MTMR3: variants seen among roughly 807,000 people sequenced by gnomAD.
The protein encoded by MTMR3 is phosphatidylinositol-3,5-bisphosphate 3-phosphatase MTMR3.
Under a neutral mutation model 132.4 loss-of-function variants are expected in MTMR3, and 32 were observed. The ratio of observed to expected loss-of-function variants is 0.24; its 90% CI spans 0.18 to 0.32. The LOEUF (loss-of-function observed/expected upper bound fraction) is 0.32. MTMR3 is among the 10% of genes least tolerant of loss of function. The pLI is 1.00. For synonymous variants in MTMR3, 556 were observed against 550.3 expected (o/e 1.01, Z -0.14); for missense variants, 1,216 against 1,489.6 (o/e 0.82, Z 3.02).
intron 1 of MTMR3, among the ~76,000 whole-genome samples, chr22:29,937,919 C>T (rs927435384): frequency 5.3e-5 from 8 of 152,088 alleles, no homozygotes; most frequent in Non-Finnish European, 1.2e-4. Context: ...AGGAATAATA[C>T]AGGGTGGTCA....
At chr22:29,905,982 G>C (rs1169653981) in intron 1 of MTMR3, among the ~76,000 whole-genome samples, 1 of 152,118 alleles carries the variant, frequency 6.6e-6, no homozygotes, top group Non-Finnish European at 1.5e-5. Context: ...CTGAGCATCT[G>C]AAAGTCTAGA....
At chr22:30,001,643 A>G (rs2067177882) in intron 8 of MTMR3, 1 of 152,232 alleles carries the variant, frequency 6.6e-6, no homozygotes, top group Non-Finnish European at 1.5e-5. Flanking sequence ...CAGGATGTTG[A>G]AAGTTCTTCC....
At chr22:29,972,154 A>G (rs974517275) in intron 3 of MTMR3, among the ~76,000 whole-genome samples, 2 of 152,018 alleles carry the variant, frequency 1.3e-5, no homozygotes, top group Admixed American at 1.3e-4. Flanking sequence ...TTTTCCTGTT[A>G]TTTTCTTGAT....
At chr22:29,943,879 A>G (rs1307402032) in intron 1 of MTMR3, among the ~76,000 whole-genome samples, 2 of 145,870 alleles carry the variant, frequency 1.4e-5, no homozygotes, top group South Asian at 2.2e-4. Flanking sequence ...GCTGGAGTGT[A>G]GTAGCACGAT....
intron 5 of MTMR3, 151 bp from the exon 6 acceptor site, chr22:29,988,329 C>T (rs1022828746): frequency 6.7e-6 from 3 of 447,538 alleles, no homozygotes; most frequent in South Asian, 4.3e-5. Context: ...TGTAGTAAAT[C>T]ACTTGAGTAC....
chr22:29,923,243 A>AT (rs1232913282), intron 1 of MTMR3, among the ~76,000 whole-genome samples: 67 of 138,830 alleles, frequency 4.8e-4, no homozygotes, highest in Non-Finnish European at 6.3e-4. Flanking sequence ...TTTATTTTTT[A>AT]TTTTTTTTTT....
At chr22:29,990,174 CA>C (rs2066933575) in intron 6 of MTMR3, 1 of 152,318 alleles carries the variant, frequency 6.6e-6, no homozygotes, top group Admixed American at 6.5e-5. Flanking sequence ...CAAGAGGTTG[CA>C]GTGAGCTGAG....
At chr22:29,975,237 T>C (rs926054141) in intron 3 of MTMR3, among the ~76,000 whole-genome samples, 16 of 152,228 alleles carry the variant, frequency 1.1e-4, no homozygotes, top group Non-Finnish European at 2.2e-4. Context: ...GTTTATACCA[T>C]ATTAGAAAAT....
At chr22:29,904,532 G>A (rs2051859) in intron 1 of MTMR3, among the ~76,000 whole-genome samples, 5,615 of 152,192 alleles carry the variant, frequency 0.037, 365 homozygotes, top group African/African-American at 0.13. Context: ...GTTTAAAATG[G>A]GGCTAACAAT....
intron 7 of MTMR3, chr22:29,992,535 T>C (rs1382123468): frequency 6.6e-6 from 1 of 152,254 alleles, no homozygotes; most frequent in Non-Finnish European, 1.5e-5. Flanking sequence ...GCATGTAGTT[T>C]CTTGTAAACT....
chr22:29,920,981 T>TGGGGGTGGC (rs2065400777), intron 1 of MTMR3, among the ~76,000 whole-genome samples: 1 of 81,096 alleles, frequency 1.2e-5, no homozygotes, highest in Non-Finnish European at 2.1e-5. Context: ...TAGGGGGTGG[T>TGGGGGTGGC]GGGGGTGGCG....
At chr22:29,891,299 ATGCGTG>A (rs1246056265) in intron 1 of MTMR3, among the ~76,000 whole-genome samples, 1 of 146,348 alleles carries the variant, frequency 6.8e-6, no homozygotes, top group African/African-American at 2.5e-5. Context: ...TCCTGGAGGT[ATGCGTG>A]TGCGTGTGTG....
intron 9 of MTMR3, chr22:30,006,842 G>A (rs2067282842): frequency 5.1e-6 from 2 of 389,900 alleles, no homozygotes; most frequent in South Asian, 2.5e-5. Context: ...ATTGCAGAGT[G>A]AGCCTCCATG....
intron 12 of MTMR3, chr22:30,009,375 C>G (rs2067352894): frequency 2.2e-6 from 1 of 444,518 alleles, no homozygotes; most frequent in Admixed American, 3.8e-5. Context: ...AAATCTGCAG[C>G]ACAGAAGAAA....
chr22:29,969,218 C>A (rs918422242), intron 2 of MTMR3, among the ~76,000 whole-genome samples: 1 of 152,156 alleles, frequency 6.6e-6, no homozygotes, highest in Non-Finnish European at 1.5e-5. Context: ...CTGCATGGCA[C>A]GAGAAGAATA....
chr22:29,935,089 T>C (rs1457225878), intron 1 of MTMR3, among the ~76,000 whole-genome samples: 1 of 152,232 alleles, frequency 6.6e-6, no homozygotes, highest in African/African-American at 2.4e-5. Context: ...AGCTTTTAAG[T>C]TGTACATTAG....
chr22:29,984,953 C>G (rs1179247826), intron 5 of MTMR3: 1 of 152,202 alleles, frequency 6.6e-6, no homozygotes, highest in African/African-American at 2.4e-5. Flanking sequence ...CTGGTCCTGA[C>G]TTTACTACTA....
At chr22:29,915,445 G>A (rs2065290220) in intron 1 of MTMR3, among the ~76,000 whole-genome samples, 1 of 151,972 alleles carries the variant, frequency 6.6e-6, no homozygotes, top group African/African-American at 2.4e-5. Context: ...TCATTGAGAT[G>A]GAGTCTCGCT....
intron 1 of MTMR3, among the ~76,000 whole-genome samples, chr22:29,944,748 C>A (rs1007490025): frequency 3.3e-5 from 5 of 152,164 alleles, no homozygotes; most frequent in African/African-American, 1.2e-4. Context: ...ACTTTATTTG[C>A]AGTAGATCTT....
Sources: allele counts gnomAD v4.1 joint callset (sites outside exome capture counted in the v4.1 genomes callset), GRCh38; gene constraint gnomAD v4.1.1; transcripts MANE v1.5; gene names NCBI Gene and HGNC (gene_info 2026-07-23, HGNC 2026-07-21).